LRRN2: variants seen among roughly 807,000 people sequenced by gnomAD.
The protein encoded by LRRN2 is leucine rich repeat neuronal 2.
Under a neutral mutation model 35.7 loss-of-function variants are expected in LRRN2, and 10 were observed. That is an observed-to-expected ratio of 0.28 (90% CI 0.17 to 0.47). The LOEUF is 0.47. Ranked by LOEUF, LRRN2 falls within the 20% of genes least tolerant of loss-of-function variation. The pLI is 0.99. For synonymous variants in LRRN2, 391 were observed against 409.6 expected (o/e 0.95, Z 0.55); for missense variants, 731 against 940.3 (o/e 0.78, Z 2.91).
intron 1 of LRRN2, among the ~76,000 whole-genome samples, chr1:204,667,520 A>G (rs1400372818): frequency 6.6e-6 from 1 of 152,230 alleles, no homozygotes; most frequent in Non-Finnish European, 1.5e-5. Flanking sequence ...TTTTATTACT[A>G]CTACATGCGG....
At chr1:204,637,776 C>T (rs545250744) in intron 1 of LRRN2, among the ~76,000 whole-genome samples, 2 of 152,004 alleles carry the variant, frequency 1.3e-5, no homozygotes, top group South Asian at 2.1e-4. Context: ...GTATGCTCCT[C>T]CACACCCTGC....
At chr1:204,661,581 C>T (rs1272565412) in intron 1 of LRRN2, among the ~76,000 whole-genome samples, 2 of 152,154 alleles carry the variant, frequency 1.3e-5, no homozygotes, top group East Asian at 1.9e-4. Context: ...GTGCCCCACA[C>T]CCCCAAGGGT....
intron 1 of LRRN2, chr1:204,627,362 A>T (rs1667467825): frequency 6.6e-6 from 1 of 152,148 alleles, no homozygotes; most frequent in Admixed American, 6.5e-5. Flanking sequence ...ACTGGAGGGC[A>T]TCTGCTGGGC....
chr1:204,659,711 A>G (rs1290345469), intron 1 of LRRN2, among the ~76,000 whole-genome samples: 1 of 152,046 alleles, frequency 6.6e-6, no homozygotes, highest in African/African-American at 2.4e-5. Context: ...CAGTGTATTT[A>G]CTATGCAAAT....
chr1:204,650,051 C>T (rs1668189200), intron 1 of LRRN2, among the ~76,000 whole-genome samples: 1 of 152,198 alleles, frequency 6.6e-6, no homozygotes, highest in South Asian at 2.1e-4. Flanking sequence ...TCTCTTCTTC[C>T]CTCCCTCTGT....
At chr1:204,642,040 G>T (rs1248848274) in intron 1 of LRRN2, among the ~76,000 whole-genome samples, 1 of 152,212 alleles carries the variant, frequency 6.6e-6, no homozygotes, top group African/African-American at 2.4e-5. Flanking sequence ...GGCAGAGGGT[G>T]CAGTGGCGGA....
intron 1 of LRRN2, among the ~76,000 whole-genome samples, chr1:204,631,254 T>TTA (rs1558407588): frequency 4.0e-4 from 4 of 9,924 alleles, no homozygotes; most frequent in African/African-American, 1.0e-3. Flanking sequence ...ACCTAGAGTG[T>TTA]TCTATATATA....
chr1:204,618,493 C>T lies in LRRN2; in HGVS notation c.1500G>A (p.Gln500=), dbSNP rs760988123. 4.3e-6 allele frequency: 7 copies of T among 1,614,146 alleles called. No homozygotes were observed. The highest frequency in any genetic ancestry group is 5.1e-6 in the Non-Finnish European group (6 of 1,180,052). The change falls in exon 2 of 2, where the codon CAG becomes CAA. Residue 500 remains glutamine, a synonymous_variant. Transcript: ENST00000367177. ...TCTTAGTGTCAGCCCCCACCAGGTT[C>T]TGGGCCACACAGGTGTATAGCCCTG... is the stretch of plus-strand genomic sequence containing the variant. ...EEAGLYTCVA[Q]NLVGADTKTV...
In LRRN2 at chr1:204,618,161, A is replaced by AT; in HGVS notation, c.1831_1832insA (p.Val611AspfsTer178). 6.2e-7 allele frequency: 1 copy of AT among 1,614,106 alleles called. No individual in the cohort carries two copies. The highest frequency in any genetic ancestry group is 8.5e-7 in the Non-Finnish European group (1 of 1,179,976). ...AGTGGCCTCTTTGGTCCTGGCCCATACACAAGCCAACTGGGTGTGGGCATC... is the reference window on the plus strand; with the variant it reads ...AGTGGCCTCTTTGGTCCTGGCCCATATCACAAGCCAACTGGGTGTGGGCATC... On this transcript the variant is annotated frameshift_variant, in exon 2 of 2. Transcript: ENST00000367177. LOFTEE classifies it high-confidence loss of function.
Position 204,619,017 on chromosome 1 carries a change from TG to T in LRRN2, c.975del (p.Phe325LeufsTer40). ...AGGTGGTGGAAGGCGCGGGGGTGGA[TG>T]AAGGACAGCCGTGGGTTATTGGTGA... ...LDITNNPRLS[F>X]IHPRAFHHLP... On this transcript the variant is annotated frameshift_variant, in exon 2 of 2. Coordinates refer to ENST00000367177, the MANE Select transcript of LRRN2 (RefSeq NM_201630.2). LOFTEE classifies it high-confidence loss of function. The T allele has an allele frequency of 6.2e-7, 1 of 1,609,530 alleles. No homozygotes were observed. The highest frequency in any genetic ancestry group is 8.5e-7 in the Non-Finnish European group (1 of 1,176,904).
rs1001756940 is a variant in LRRN2 at position 204,681,319 on chromosome 1, TC to T, written c.-227+4000del. On this transcript the variant is annotated intron_variant, in intron 1 of 1. Coordinates refer to ENST00000367177, the MANE Select transcript of LRRN2 (RefSeq NM_201630.2). ...TTTCATTATTGTCTATGGGACTGACTCCCCCATCTAATAATAATAACAATAA... is the reference window on the plus strand; with the variant it reads ...TTTCATTATTGTCTATGGGACTGACTCCCCATCTAATAATAATAACAATAA... Among the ~76,000 whole-genome samples, 18 of 152,066 alleles carry T rather than the reference TC, an allele frequency of 1.2e-4. 1 individual carries two copies. The highest frequency in any genetic ancestry group is 4.3e-4 in the African/African-American group (18 of 41,416).
At chr1:204,625,217 A>G (rs1025909167) in intron 1 of LRRN2, among the ~76,000 whole-genome samples, 1 of 152,188 alleles carries the variant, frequency 6.6e-6, no homozygotes, top group African/African-American at 2.4e-5. Flanking sequence ...TCGAGCCCCA[A>G]ATCCCTGAGC....
chr1:204,633,323 G>C (rs1667755810), intron 1 of LRRN2: 1 of 152,266 alleles, frequency 6.6e-6, no homozygotes, highest in Admixed American at 6.5e-5. Context: ...AATGGACTAC[G>C]ATCTATGTGA....
rs1176904982 is a variant in LRRN2, at chr1:204,637,779, C to T, written c.-226-17561G>A. ...CGGGCCTCATCTGTATGCTCCTCCA[C>T]ACCCTGCTCACCCTGTGGGGGAGTG... On this transcript the variant is annotated intron_variant, in intron 1 of 1. Transcript: ENST00000367177. Among the ~76,000 whole-genome samples the T allele has an allele frequency of 3.3e-5, 5 of 152,074 alleles. No homozygotes were observed. The South Asian group carries it at 6.2e-4, about 19-fold the overall frequency.
intron 1 of LRRN2, among the ~76,000 whole-genome samples, chr1:204,647,067 G>C (rs1668121470): frequency 6.6e-6 from 1 of 151,780 alleles, no homozygotes; most frequent in Non-Finnish European, 1.5e-5. Context: ...CTTGACTTTT[G>C]CTGCAATAGG....
At chr1:204,672,347 G>A (rs755749093) in intron 1 of LRRN2, among the ~76,000 whole-genome samples, 2 of 152,150 alleles carry the variant, frequency 1.3e-5, no homozygotes, top group East Asian at 1.9e-4. Context: ...AAAATAGATC[G>A]GGAGGACCGG....
chr1:204,669,047 C>T (rs1668650162), intron 1 of LRRN2, among the ~76,000 whole-genome samples: 1 of 152,196 alleles, frequency 6.6e-6, no homozygotes, highest in Non-Finnish European at 1.5e-5. Flanking sequence ...TGGTCTTGAA[C>T]TCCTGGCCTC....
intron 1 of LRRN2, among the ~76,000 whole-genome samples, chr1:204,665,523 C>T (rs1466074191): frequency 2.6e-5 from 4 of 152,196 alleles, no homozygotes; most frequent in Non-Finnish European, 5.9e-5. Flanking sequence ...TTATCTGTCC[C>T]TCCTACTTGT....
At chr1:204,636,888 A>G (rs908868935) in intron 1 of LRRN2, among the ~76,000 whole-genome samples, 4 of 152,240 alleles carry the variant, frequency 2.6e-5, no homozygotes, top group African/African-American at 9.6e-5. Flanking sequence ...TGTAAATTTT[A>G]TGTCAAAAGA....
Sources: gnomAD v4.1 joint callset for allele counts (sites outside exome capture counted in the v4.1 genomes callset) on GRCh38, gnomAD v4.1.1 for gene constraint, MANE v1.5 for transcripts, NCBI Gene and HGNC (gene_info 2026-07-23, HGNC 2026-07-21) for gene names.